EEPD1: variants seen among roughly 807,000 people sequenced by gnomAD.
EEPD1 encodes the protein endonuclease/exonuclease/phosphatase family domain containing 1.
In EEPD1, 17 loss-of-function variants were observed where a neutral mutation model predicts 46.3. The observed-to-expected ratio is 0.37, with a 90% CI of 0.25 to 0.55. The LOEUF (loss-of-function observed/expected upper bound fraction) is 0.55. EEPD1 is among the 20% of genes least tolerant of loss of function. EEPD1 has a pLI of 0.83. For missense variants in EEPD1, 673 were observed against 745.6 expected (o/e 0.90, Z 1.13); for synonymous variants, 313 against 315.6 (o/e 0.99, Z 0.09).
Position 36,284,752 on chromosome 7 carries a change from C to A in EEPD1, c.1108C>A (p.Gln370Lys). ...CATGGAGCTGAGAGACGCGGGTTCA[C>A]AGGAGAGCTCGCCAAGCAACGGGCA... ...AGMELRDAGS[Q>K]ESSPSNGHGK... is the part of the protein sequence containing the mutation. Residue 370 changes from glutamine (Q) to lysine (K), a missense_variant, in exon 5 of 8, where the codon CAG becomes AAG. Physicochemically the swap from Gln to Lys is moderately conservative, Grantham distance 53. Transcript: ENST00000242108. The A allele has an allele frequency of 6.2e-7, 1 of 1,604,400 alleles. No homozygotes were observed. Among genetic ancestry groups the A allele is most frequent in the Non-Finnish European group, 8.5e-7 (1 of 1,175,092 alleles).
intron 2 of EEPD1, among the ~76,000 whole-genome samples, chr7:36,185,441 A>G (rs1785347876): frequency 6.6e-6 from 1 of 152,214 alleles, no homozygotes; most frequent in Admixed American, 6.5e-5. Flanking sequence ...TTGTTATTAC[A>G]AGCAGTGCTG....
At chr7:36,284,031 G>A (rs151177561) in intron 4 of EEPD1, among the ~76,000 whole-genome samples, 359 of 152,332 alleles carry the variant, frequency 2.4e-3, no homozygotes, top group Non-Finnish European at 3.5e-3. Context: ...GAGCAGCAGG[G>A]TTTAACACTA....
At chr7:36,278,517 G>C (rs1232840704) in intron 3 of EEPD1, among the ~76,000 whole-genome samples, 1 of 144,044 alleles carries the variant, frequency 6.9e-6, no homozygotes, top group South Asian at 2.4e-4. Context: ...GGTGGGGGGG[G>C]CGCTTCTTAA....
intron 6 of EEPD1, among the ~76,000 whole-genome samples, chr7:36,292,795 C>G (rs1787469332): frequency 6.6e-6 from 1 of 152,160 alleles, no homozygotes; most frequent in Non-Finnish European, 1.5e-5. Context: ...GTGTGAGCCA[C>G]TGTGCCTGGC....
At chr7:36,181,428 T>C (rs1486194975) in intron 2 of EEPD1, among the ~76,000 whole-genome samples, 1 of 152,220 alleles carries the variant, frequency 6.6e-6, no homozygotes, top group East Asian at 1.9e-4. Flanking sequence ...TCAATCATTT[T>C]GACTTAAGAC....
intron 3 of EEPD1, among the ~76,000 whole-genome samples, chr7:36,258,697 C>A (rs576372991): frequency 3.3e-5 from 5 of 152,238 alleles, no homozygotes; most frequent in African/African-American, 1.2e-4. Flanking sequence ...CATCCCAGGT[C>A]GACTTCAGAC....
At chr7:36,183,759 C>T (rs1785312614) in intron 2 of EEPD1, among the ~76,000 whole-genome samples, 3 of 152,022 alleles carry the variant, frequency 2.0e-5, no homozygotes, top group Non-Finnish European at 4.4e-5. Flanking sequence ...CTCAGCCTCC[C>T]AAAGTGCTGG....
chr7:36,179,860 G>T (rs1376597047), intron 2 of EEPD1, among the ~76,000 whole-genome samples: 2 of 152,216 alleles, frequency 1.3e-5, no homozygotes, highest in African/African-American at 4.8e-5. Flanking sequence ...GGCCTCCTCA[G>T]CAGTGTTGCT....
chr7:36,244,600 G>T (rs1221186657), intron 3 of EEPD1, among the ~76,000 whole-genome samples: 1 of 152,076 alleles, frequency 6.6e-6, no homozygotes, highest in African/African-American at 2.4e-5. Context: ...CTCTGAGGAG[G>T]TTCCCAATTG....
At chr7:36,254,859 G>T (rs532610690) in intron 3 of EEPD1, among the ~76,000 whole-genome samples, 10 of 152,284 alleles carry the variant, frequency 6.6e-5, no homozygotes, top group African/African-American at 2.4e-4. Flanking sequence ...TCTCATTGTG[G>T]TTTTGATTTG....
chr7:36,212,891 G>A (rs1404818506), intron 2 of EEPD1, among the ~76,000 whole-genome samples: 3 of 152,112 alleles, frequency 2.0e-5, no homozygotes, highest in Non-Finnish European at 4.4e-5. Flanking sequence ...GGTGGCTCAC[G>A]CCTATAATCC....
At chr7:36,188,906 T>G (rs995067147) in intron 2 of EEPD1, among the ~76,000 whole-genome samples, 1 of 152,244 alleles carries the variant, frequency 6.6e-6, no homozygotes, top group African/African-American at 2.4e-5. Flanking sequence ...TGCTGTGGGT[T>G]GATATAATTT....
intron 2 of EEPD1, 36 bp from the exon 3 acceptor site, chr7:36,238,949 T>G: frequency 1.3e-6 from 2 of 1,590,672 alleles, no homozygotes; most frequent in South Asian, 2.3e-5. Flanking sequence ...TGAAATGATT[T>G]GTTTTCAAGT....
chr7:36,196,836 C>T (rs1306145480), intron 2 of EEPD1, among the ~76,000 whole-genome samples: 2 of 152,068 alleles, frequency 1.3e-5, no homozygotes, highest in Non-Finnish European at 2.9e-5. Flanking sequence ...GCCGCCACCC[C>T]GTCTGGGAAG....
At chr7:36,288,794 G>C (rs1787379964) in intron 6 of EEPD1, among the ~76,000 whole-genome samples, 1 of 151,776 alleles carries the variant, frequency 6.6e-6, no homozygotes, top group African/African-American at 2.4e-5. Context: ...CTGAACTCCA[G>C]GACAAAGGGG....
At chr7:36,254,064 A>AT (rs1194623095) in intron 3 of EEPD1, among the ~76,000 whole-genome samples, 1 of 152,110 alleles carries the variant, frequency 6.6e-6, no homozygotes, top group East Asian at 1.9e-4. Flanking sequence ...CATTTAAATT[A>AT]TTTTAATAAT....
At chr7:36,271,219 C>T (rs1373597015) in intron 3 of EEPD1, among the ~76,000 whole-genome samples, 1 of 152,060 alleles carries the variant, frequency 6.6e-6, no homozygotes, top group Non-Finnish European at 1.5e-5. Flanking sequence ...AACTCCTAAC[C>T]TCATGATCTG....
intron 3 of EEPD1, among the ~76,000 whole-genome samples, chr7:36,269,006 A>G (rs1562707718): frequency 6.6e-6 from 1 of 152,216 alleles, no homozygotes; most frequent in Non-Finnish European, 1.5e-5. Flanking sequence ...ACATGGAAGA[A>G]TTCTTCTCAT....
intron 2 of EEPD1, among the ~76,000 whole-genome samples, chr7:36,163,883 GA>G (rs11411037): frequency 0.021 from 2,365 of 111,040 alleles, 41 homozygotes; most frequent in African/African-American, 0.046. Flanking sequence ...ATCTCAGGAA[GA>G]AAAAAAAAAA....
Sources: gnomAD v4.1 joint callset for allele counts (sites outside exome capture counted in the v4.1 genomes callset) on GRCh38, gnomAD v4.1.1 for gene constraint, MANE v1.5 for transcripts, NCBI Gene and HGNC (gene_info 2026-07-23, HGNC 2026-07-21) for gene names.